The following CHLSN variants were observed in gnomAD, a reference collection of about 807,000 sequenced individuals.
CHLSN encodes cholesin.
chr7:1,006,512 G>A, the CHLSN span, among the ~76,000 whole-genome samples: 5 of 148,350 alleles, frequency 3.4e-5, no homozygotes, highest in East Asian at 8.0e-4. Flanking sequence ...AAGAGCGCAC[G>A]ACGGCCATAC....
chr7:1,079,110 G>T, the CHLSN span, among the ~76,000 whole-genome samples: 1 of 152,240 alleles, frequency 6.6e-6, no homozygotes, highest in Non-Finnish European at 1.5e-5. Context: ...CTTTGGAGAG[G>T]GAGGGCCAGG....
At chr7:1,040,995 G>C in the CHLSN span, among the ~76,000 whole-genome samples, 1 of 152,264 alleles carries the variant, frequency 6.6e-6, no homozygotes. Flanking sequence ...CCCGAAGCCA[G>C]AGGCTCGGCA....
chr7:1,102,878 C>G, the CHLSN span, among the ~76,000 whole-genome samples: 787 of 152,382 alleles, frequency 5.2e-3, 5 homozygotes, highest in African/African-American at 0.018. Context: ...GCAGCTCTTC[C>G]TTGCAGGAAA....
chr7:1,106,264 G>A, the CHLSN span, among the ~76,000 whole-genome samples: 5 of 152,204 alleles, frequency 3.3e-5, no homozygotes, highest in Non-Finnish European at 7.3e-5. Context: ...AACAGAGACA[G>A]CCACCTGGTC....
the CHLSN span, among the ~76,000 whole-genome samples, chr7:993,285 C>A: frequency 6.6e-6 from 1 of 152,198 alleles, no homozygotes; most frequent in Non-Finnish European, 1.5e-5. Context: ...CACACGGCGC[C>A]CGGCCAGGGC....
At chr7:1,092,204 T>C in the CHLSN span, 1 of 1,613,184 alleles carries the variant, frequency 6.2e-7, no homozygotes, top group South Asian at 1.1e-5. Context: ...TACATCGCCC[T>C]GGCCAGGGCC....
At chr7:1,072,317 C>T in the CHLSN span, among the ~76,000 whole-genome samples, 77 of 152,320 alleles carry the variant, frequency 5.1e-4, no homozygotes, top group African/African-American at 1.8e-3. Flanking sequence ...GTCCAAAGCA[C>T]GCACGACTGC....
the CHLSN span, among the ~76,000 whole-genome samples, chr7:1,094,307 T>C: frequency 0.23 from 35,074 of 152,208 alleles, 5,489 homozygotes; most frequent in African/African-American, 0.45. Flanking sequence ...AACCAGTGCC[T>C]GCTTCTCCGT....
At chr7:1,016,919 G>C in the CHLSN span, among the ~76,000 whole-genome samples, 2 of 77,378 alleles carry the variant, frequency 2.6e-5, no homozygotes, top group Admixed American at 1.3e-4. Flanking sequence ...CCAGCGCACA[G>C]CAGCACACAG....
the CHLSN span, among the ~76,000 whole-genome samples, chr7:993,668 C>A: frequency 6.6e-6 from 1 of 152,150 alleles, no homozygotes; most frequent in Non-Finnish European, 1.5e-5. Context: ...CCCAGCTACT[C>A]AGGAGGCTGA....
At chr7:1,028,867 A>C in the CHLSN span, 7 of 641,472 alleles carry the variant, frequency 1.1e-5, no homozygotes, top group Admixed American at 2.3e-4. Context: ...CCATCTCCCC[A>C]ATCTGCCCCA....
chr7:1,015,899 T>C, the CHLSN span, among the ~76,000 whole-genome samples: 55 of 152,304 alleles, frequency 3.6e-4, no homozygotes, highest in Non-Finnish European at 6.8e-4. Context: ...GCAATGCCCA[T>C]GTGACACTGA....
At chr7:979,619 G>C in the CHLSN span, among the ~76,000 whole-genome samples, 1 of 152,070 alleles carries the variant, frequency 6.6e-6, no homozygotes, top group Non-Finnish European at 1.5e-5. Flanking sequence ...GGGCGTGGTG[G>C]TGAGTGCCTG....
the CHLSN span, among the ~76,000 whole-genome samples, chr7:1,105,940 A>C: frequency 6.6e-6 from 1 of 152,246 alleles, no homozygotes; most frequent in Admixed American, 6.5e-5. Flanking sequence ...CGGCCGTGTC[A>C]GAAAGACGCG....
chr7:997,339 G>A, the CHLSN span: 1 of 370,558 alleles, frequency 2.7e-6, no homozygotes, highest in Non-Finnish European at 4.8e-6. Flanking sequence ...GTCCCTCCAA[G>A]GCCAGGGGTC....
At chr7:1,098,706 C>T in the CHLSN span, among the ~76,000 whole-genome samples, 17 of 152,262 alleles carry the variant, frequency 1.1e-4, no homozygotes, top group Admixed American at 8.5e-4. Flanking sequence ...GGAGCTGCCA[C>T]GCTTGGTGAG....
the CHLSN span, among the ~76,000 whole-genome samples, chr7:1,049,165 C>T: frequency 4.6e-5 from 7 of 152,238 alleles, no homozygotes; most frequent in South Asian, 2.1e-4. Flanking sequence ...TGGGGTGTGA[C>T]GGGGCCCATG....
chr7:1,135,872 A>AATAG, the CHLSN span, among the ~76,000 whole-genome samples: 1 of 133,456 alleles, frequency 7.5e-6, no homozygotes, highest in East Asian at 2.1e-4. Context: ...AATATATAAA[A>AATAG]ATATATATGA....
the CHLSN span, among the ~76,000 whole-genome samples, chr7:990,689 G>C: frequency 6.6e-6 from 1 of 152,132 alleles, no homozygotes; most frequent in Non-Finnish European, 1.5e-5. Context: ...GGCTGCGTCC[G>C]CTCACCTATT....
Sources: allele counts gnomAD v4.1 joint callset (sites outside exome capture counted in the v4.1 genomes callset), GRCh38; gene constraint gnomAD v4.1.1; transcripts MANE v1.5; gene names NCBI Gene and HGNC (gene_info 2026-07-23, HGNC 2026-07-21).